Variants in AFF3 observed in about 807,000 individuals in gnomAD.
AFF3 encodes ALF transcription elongation factor 3, also known as AF4/FMR2 family member 3.
Under a neutral mutation model 129.7 loss-of-function variants are expected in AFF3, and 32 were observed. The ratio of observed to expected loss-of-function variants is 0.25; its 90% CI spans 0.19 to 0.33. The LOEUF is 0.33. Among genes scored for constraint, AFF3 ranks in the 10% least tolerant of loss-of-function variants. AFF3 has a pLI of 1.00. For missense variants in AFF3, 1,373 were observed against 1,592.0 expected (o/e 0.86, Z 2.34); for synonymous variants, 644 against 635.4 (o/e 1.01, Z -0.20).
At chr2:99,667,864 AT>A (rs68127243) in intron 12 of AFF3, among the ~76,000 whole-genome samples, 8 of 149,380 alleles carry the variant, frequency 5.4e-5, no homozygotes, top group Admixed American at 1.3e-4. Flanking sequence ...AACTATTAAT[AT>A]TTTTTTTTTG....
At chr2:100,082,698 G>T (rs1374278314) in intron 4 of AFF3, among the ~76,000 whole-genome samples, 1 of 152,158 alleles carries the variant, frequency 6.6e-6, no homozygotes, top group Non-Finnish European at 1.5e-5. Flanking sequence ...ATTTAGTCAT[G>T]ATTTTGTCAT....
intron 8 of AFF3, among the ~76,000 whole-genome samples, chr2:99,785,395 C>T (rs940963837): frequency 6.6e-6 from 1 of 152,196 alleles, no homozygotes; most frequent in Admixed American, 6.5e-5. Context: ...AAGGACAGCG[C>T]TAGTTCGAAA....
In AFF3 at chr2:99,554,576, G is replaced by A. The variant is rs751445966; in HGVS notation, c.3336-42C>T. ...AGAAAAACCAGAGTGGCGAGGTCGG[G>A]AGCAAGCGAGGCAGGGCAGCCCCTT... On this transcript the variant is annotated intron_variant, in intron 23 of 24. Coordinates refer to ENST00000672756, the MANE Select transcript of AFF3 (RefSeq NM_001386135.1). The A allele has an allele frequency of 2.5e-6, 4 of 1,608,624 alleles. No individual in the cohort carries two copies. In the Admixed American group the frequency reaches 6.7e-5, roughly 27 times the overall value.
chr2:99,558,838 A>C, intron 22 of AFF3, 37 bp downstream of exon 22: 1 of 1,596,788 alleles, frequency 6.3e-7, no homozygotes, highest in Non-Finnish European at 8.6e-7. Flanking sequence ...AGACAAGTGA[A>C]ATTAAGGAAC....
At chr2:99,652,887 CT>C (rs1452695405) in intron 12 of AFF3, among the ~76,000 whole-genome samples, 1 of 152,170 alleles carries the variant, frequency 6.6e-6, no homozygotes, top group Non-Finnish European at 1.5e-5. Context: ...GAATACAGAT[CT>C]ACTGATCTTC....
intron 7 of AFF3, among the ~76,000 whole-genome samples, chr2:99,996,527 A>ATTTTTTT: frequency 8.8e-6 from 1 of 114,088 alleles, no homozygotes. Flanking sequence ...CGCCCGGCTA[A>ATTTTTTT]TTTTTTTTTT....
rs371486562 is a variant in AFF3, at chr2:99,932,210, AT to A, written c.873+74421del. ...AAAACATTATGAGATTTTTTTTGCG[AT>A]TTTTTTTTAGCTCATCAGCTATTGT... On this transcript the variant is annotated intron_variant, in intron 7 of 24. Transcript: ENST00000672756. Among the ~76,000 whole-genome samples, 899 of 151,154 alleles carry A rather than the reference AT, an allele frequency of 5.9e-3. 12 individuals are homozygous for A. The highest frequency in any genetic ancestry group is 0.02 in the African/African-American group (844 of 41,224).
At chr2:99,711,505 C>A (rs758145648) in intron 11 of AFF3, among the ~76,000 whole-genome samples, 11 of 152,068 alleles carry the variant, frequency 7.2e-5, no homozygotes, top group Non-Finnish European at 1.5e-4. Context: ...TAGAGGCATG[C>A]GGGTGCAAAG....
At chr2:99,640,284 G>C (rs1279630808) in intron 13 of AFF3, among the ~76,000 whole-genome samples, 1 of 151,664 alleles carries the variant, frequency 6.6e-6, no homozygotes, top group Non-Finnish European at 1.5e-5. Context: ...TCTTCTCTTG[G>C]TTTTTAAGCC....
At chr2:99,767,808 G>A (rs1310512558) in intron 8 of AFF3, among the ~76,000 whole-genome samples, 3 of 152,192 alleles carry the variant, frequency 2.0e-5, no homozygotes, top group Non-Finnish European at 2.9e-5. Context: ...AGCTGGGTGC[G>A]GTGGCAGGCA....
intron 17 of AFF3, among the ~76,000 whole-genome samples, chr2:99,579,567 A>C (rs932832387): frequency 1.3e-5 from 2 of 151,104 alleles, no homozygotes; most frequent in African/African-American, 4.9e-5. Context: ...TAAAAATACA[A>C]AATTTAGCCA....
intron 7 of AFF3, among the ~76,000 whole-genome samples, chr2:99,867,493 T>C (rs1193181345): frequency 6.6e-6 from 1 of 150,726 alleles, no homozygotes; most frequent in Non-Finnish European, 1.5e-5. Flanking sequence ...CAGGAATAAC[T>C]TCCTAGTATC....
intron 7 of AFF3, among the ~76,000 whole-genome samples, chr2:99,843,089 C>A (rs1689442845): frequency 6.6e-6 from 1 of 152,212 alleles, no homozygotes; most frequent in Non-Finnish European, 1.5e-5. Context: ...TCAATCTATT[C>A]TTGATTTATC....
At chr2:99,608,053 T>C (rs143782101) in intron 13 of AFF3, among the ~76,000 whole-genome samples, 99 of 152,356 alleles carry the variant, frequency 6.5e-4, no homozygotes, top group African/African-American at 2.4e-3. Context: ...GATTTCTCTA[T>C]ACAACTTGGC....
intron 16 of AFF3, among the ~76,000 whole-genome samples, chr2:99,584,298 T>A (rs1359253818): frequency 6.6e-6 from 1 of 151,488 alleles, no homozygotes; most frequent in Non-Finnish European, 1.5e-5. Flanking sequence ...TGAAACCCCC[T>A]CTCTGCTAAA....
At chr2:99,844,893 A>T (rs1012606364) in intron 7 of AFF3, among the ~76,000 whole-genome samples, 4 of 152,160 alleles carry the variant, frequency 2.6e-5, no homozygotes, top group African/African-American at 9.7e-5. Flanking sequence ...CCTAGCAGAG[A>T]ACTCAGTACA....
rs3038476 is a variant in AFF3, at chr2:100,137,536, T to TACACAC, written c.-228+4942_-228+4947dup. On this transcript the variant is annotated intron_variant, in intron 1 of 24. Coordinates refer to ENST00000672756, the MANE Select transcript of AFF3 (RefSeq NM_001386135.1). ...GCATGTGTGCACGTGCACACGTGCA[T>TACACAC]ACACACACACACACACACACACAGA... Among the ~76,000 whole-genome samples, 532 of 144,118 alleles carry TACACAC rather than the reference T, an allele frequency of 3.7e-3. 2 individuals are homozygous for TACACAC. Among genetic ancestry groups the TACACAC allele is most frequent in the Non-Finnish European group, 4.6e-3 (298 of 64,624 alleles). The allele number at this position is 144,118 out of a possible 152,430, so 94.5% of individuals were successfully genotyped here.
chr2:99,711,521 C>T (rs1035686121), intron 11 of AFF3, among the ~76,000 whole-genome samples: 4 of 152,106 alleles, frequency 2.6e-5, no homozygotes, highest in Non-Finnish European at 4.4e-5. Context: ...CAAAGAGAAC[C>T]TGCGATCTAG....
intron 11 of AFF3, among the ~76,000 whole-genome samples, chr2:99,688,731 T>C (rs148582711): frequency 6.6e-6 from 1 of 152,164 alleles, no homozygotes; most frequent in African/African-American, 2.4e-5. Context: ...CTCCCAACCA[T>C]GACATCCATG....
Sources: allele counts gnomAD v4.1 joint callset (sites outside exome capture counted in the v4.1 genomes callset), GRCh38; gene constraint gnomAD v4.1.1; transcripts MANE v1.5; gene names NCBI Gene and HGNC (gene_info 2026-07-23, HGNC 2026-07-21).